SLC4A4: variants seen among roughly 807,000 people sequenced by gnomAD.
SLC4A4 encodes the protein electrogenic sodium bicarbonate cotransporter 1.
SLC4A4 carries 27 observed loss-of-function variants against 111.5 expected under a neutral mutation model. The ratio of observed to expected loss-of-function variants is 0.24; its 90% CI spans 0.18 to 0.33. The LOEUF (loss-of-function observed/expected upper bound fraction) is 0.33. Ranked by LOEUF, SLC4A4 falls within the 10% of genes least tolerant of loss-of-function variation. SLC4A4 has a pLI of 1.00. For synonymous variants in SLC4A4, 443 were observed against 463.4 expected (o/e 0.96, Z 0.57); for missense variants, 909 against 1,315.5 (o/e 0.69, Z 4.78).
chr4:71,447,782 G>T, intron 9 of SLC4A4, 49 bp downstream of exon 9: 1 of 1,178,098 alleles, frequency 8.5e-7, no homozygotes, highest in Non-Finnish European at 1.3e-6. Context: ...CTTGTTTGTT[G>T]TCATACTGTG....
At chr4:71,194,840 G>A (rs955105820) in intron 1 of SLC4A4, among the ~76,000 whole-genome samples, 4 of 152,086 alleles carry the variant, frequency 2.6e-5, no homozygotes, top group African/African-American at 9.7e-5. Context: ...GAAAACTGGA[G>A]CTTTTATAGT....
intron 16 of SLC4A4, among the ~76,000 whole-genome samples, chr4:71,531,281 G>A (rs1427740948): frequency 1.3e-5 from 2 of 152,120 alleles, no homozygotes; most frequent in African/African-American, 4.8e-5. Flanking sequence ...GTTTAATGCT[G>A]TATTCCTTAA....
At chr4:71,129,399 A>G (rs1473583044) in intron 2 of SLC4A4, among the ~76,000 whole-genome samples, 3 of 152,202 alleles carry the variant, frequency 2.0e-5, no homozygotes, top group Non-Finnish European at 4.4e-5. Flanking sequence ...GAGAAATGCA[A>G]ATTAAAACCA....
chr4:71,484,454 G>C (rs1347300455), intron 14 of SLC4A4, among the ~76,000 whole-genome samples: 1 of 151,572 alleles, frequency 6.6e-6, no homozygotes, highest in Non-Finnish European at 1.5e-5. Flanking sequence ...TTTTTGTCAG[G>C]TTTGTTGAAG....
chr4:71,528,892 T>C (rs776588211), intron 16 of SLC4A4, among the ~76,000 whole-genome samples: 5 of 152,012 alleles, frequency 3.3e-5, no homozygotes, highest in African/African-American at 1.2e-4. Context: ...AAAGGATATA[T>C]TTGCAAGTGT....
chr4:71,536,439 A>G (rs1734425182), intron 18 of SLC4A4, among the ~76,000 whole-genome samples: 2 of 64,710 alleles, frequency 3.1e-5, no homozygotes, highest in Admixed American at 3.6e-4. Flanking sequence ...GTATCATTTA[A>G]GCATATATAC....
intron 14 of SLC4A4, 145 bp downstream of exon 14, chr4:71,473,115 A>G (rs773759719): frequency 5.6e-6 from 5 of 896,404 alleles, no homozygotes; most frequent in Non-Finnish European, 9.1e-6. Flanking sequence ...ACTGAATTTG[A>G]TGTCTCATTG....
chr4:71,437,867 G>A (rs947465501), intron 7 of SLC4A4: 2 of 189,048 alleles, frequency 1.1e-5, no homozygotes, highest in East Asian at 3.1e-4. Flanking sequence ...CAAAGGAAAT[G>A]AGCTCCTGCA....
chr4:71,205,070 C>G (rs915931368), intron 1 of SLC4A4, among the ~76,000 whole-genome samples: 1 of 152,116 alleles, frequency 6.6e-6, no homozygotes, highest in African/African-American at 2.4e-5. Flanking sequence ...TGGTGACTGT[C>G]CTAGCAGACA....
chr4:71,374,105 GT>G (rs916660365), intron 6 of SLC4A4, among the ~76,000 whole-genome samples: 13 of 152,104 alleles, frequency 8.5e-5, no homozygotes, highest in African/African-American at 1.9e-4. Context: ...TTAGCTTGGT[GT>G]TTTTTTCTCC....
At chr4:71,357,276 T>G in intron 6 of SLC4A4, 89 bp downstream of exon 6, 2 of 1,354,208 alleles carry the variant, frequency 1.5e-6, no homozygotes, top group East Asian at 4.6e-5. Context: ...TTAACCCTTC[T>G]CCATATTTTT....
chr4:71,521,695 T>C (rs534344609), intron 16 of SLC4A4, among the ~76,000 whole-genome samples: 2 of 152,154 alleles, frequency 1.3e-5, no homozygotes, highest in Non-Finnish European at 2.9e-5. Context: ...TCCCAGACAG[T>C]GAGACTGGGG....
chr4:71,080,567 G>C (rs774612126), intron 1 of SLC4A4, among the ~76,000 whole-genome samples: 3 of 152,068 alleles, frequency 2.0e-5, no homozygotes, highest in Admixed American at 6.5e-5. Flanking sequence ...AATGGTCTCA[G>C]GTGTTTTCCC....
chr4:71,546,760 A>G (rs976646838), intron 19 of SLC4A4, among the ~76,000 whole-genome samples: 2 of 151,996 alleles, frequency 1.3e-5, no homozygotes, highest in Admixed American at 6.6e-5. Context: ...AAATGTTGCA[A>G]TATAAAACTA....
At chr4:71,337,581 C>A (rs1046263761) in intron 3 of SLC4A4, among the ~76,000 whole-genome samples, 7 of 152,108 alleles carry the variant, frequency 4.6e-5, no homozygotes, top group South Asian at 4.2e-4. Flanking sequence ...TTTGAGATAA[C>A]TCTTATTTAT....
At chr4:71,503,241 CT>C (rs201455805) in intron 16 of SLC4A4, among the ~76,000 whole-genome samples, 9,707 of 136,498 alleles carry the variant, frequency 0.071, 743 homozygotes, top group East Asian at 0.45. Flanking sequence ...ATAGTTTGGT[CT>C]TTTTTTTTTT....
intron 6 of SLC4A4, among the ~76,000 whole-genome samples, chr4:71,393,011 C>T (rs561149323): frequency 2.6e-5 from 4 of 152,154 alleles, no homozygotes; most frequent in South Asian, 2.1e-4. Context: ...ATACAAGGGA[C>T]GTACCTCAAT....
At chr4:71,531,225 A>G (rs1733887188) in intron 16 of SLC4A4, among the ~76,000 whole-genome samples, 1 of 152,154 alleles carries the variant, frequency 6.6e-6, no homozygotes, top group Non-Finnish European at 1.5e-5. Flanking sequence ...TCCCCTTACC[A>G]ACTTGCAAAT....
At chr4:71,243,708 T>C (rs1386756137) in intron 2 of SLC4A4, among the ~76,000 whole-genome samples, 1 of 152,168 alleles carries the variant, frequency 6.6e-6, no homozygotes, top group African/African-American at 2.4e-5. Context: ...GCAGTATAGA[T>C]GACTTAAATA....
Sources: allele counts gnomAD v4.1 joint callset (sites outside exome capture counted in the v4.1 genomes callset), GRCh38; gene constraint gnomAD v4.1.1; transcripts MANE v1.5; gene names NCBI Gene and HGNC (gene_info 2026-07-23, HGNC 2026-07-21).